Variants in ADGRD2 observed in about 807,000 individuals in gnomAD.
ADGRD2 encodes the protein G protein-coupled receptor PGR24.
ADGRD2 carries 71 observed loss-of-function variants against 44.4 expected under a neutral mutation model. The ratio of observed to expected loss-of-function variants is 1.60; its 90% CI spans 1.32 to 1.95. ADGRD2 has a LOEUF of 1.95. Among genes scored for constraint, ADGRD2 ranks in the 30% most tolerant of loss-of-function variants. ADGRD2 has a pLI of 0.00. For synonymous variants in ADGRD2, 481 were observed against 224.8 expected (o/e 2.14, Z -10.19); for missense variants, 1,039 against 512.4 (o/e 2.03, Z -9.92).
In ADGRD2 at chr9:124,466,431, G is replaced by C; in HGVS notation, c.2026+18G>C. 1 of 668,490 alleles carries C rather than the reference G, an allele frequency of 1.5e-6. No homozygotes were observed. The highest frequency in any genetic ancestry group is 2.8e-6 in the Non-Finnish European group (1 of 354,708). 41.4% of individuals were successfully genotyped at this position (668,490 alleles called of 1,614,324 possible). ...AAGTACAGGTGAGTGCACGGTGGGA[G>C]GGGGGTGTCAGGAGGGGGCTTCTTA... On this transcript the variant is annotated intron_variant, in intron 11 of 21. Coordinates refer to ENST00000334810, the Ensembl canonical transcript of ADGRD2.
At chr9:124,452,637 C>G in exon 2 of ADGRD2, 1 of 718,300 alleles carries the variant, frequency 1.4e-6, no homozygotes, top group Non-Finnish European at 2.6e-6. Flanking sequence ...CACTGCAGCC[C>G]CCTGATGGGG....
chr9:124,454,736 G>A lies in ADGRD2; in HGVS notation c.1109-107G>A, dbSNP rs1394142308. 1.6e-6 allele frequency: 1 copy of A among 615,896 alleles called. No homozygotes were observed. Among genetic ancestry groups the A allele is most frequent in the East Asian group, 2.7e-5 (1 of 36,364 alleles). The allele number at this position is 615,896 out of a possible 1,614,324, so 38.2% of individuals were successfully genotyped here. On this transcript the variant is annotated intron_variant, in intron 5 of 21. Coordinates refer to ENST00000334810, the Ensembl canonical transcript of ADGRD2. The surrounding 1 kb of genome is among the most constrained non-coding windows in gnomAD (Gnocchi z 4.5). The stretch of plus-strand genomic sequence containing the variant: ...CCTGAGAGTTGGCGGCTTGTGACAA[G>A]TTTAATGGGTGCCCACCAAGAAGAC...
rs560392752 is a variant in ADGRD2 at position 124,471,161 on chromosome 9, C to T, written c.2758+547C>T. On this transcript the variant is annotated intron_variant, in intron 17 of 21. Coordinates refer to ENST00000334810, the Ensembl canonical transcript of ADGRD2. ...GGTCCCTCTCGGGGGATTGGCAGGT[C>T]TGTGGGGGGCCAGAACATTAACTGA... Among the ~76,000 whole-genome samples the T allele has an allele frequency of 2.4e-4, 36 of 152,236 alleles. 1 individual carries two copies. The highest frequency in any genetic ancestry group is 7.9e-4 in the African/African-American group (33 of 41,558).
Position 124,458,668 on chromosome 9 carries a change from G to A in ADGRD2, c.1819G>A (p.Val607Ile), listed in dbSNP as rs769071487. ...CATCATCTCCTCTGAAGTGTGGGAC[G>A]TCACTGGAGAGGTCAACGTGGCCAT... Residue 607 changes from valine to isoleucine, a missense_variant, in exon 10 of 22, where the codon GTC (valine) becomes ATC (isoleucine). Transcript: ENST00000334810. The A allele has an allele frequency of 3.9e-5, 28 of 718,620 alleles. 1 individual carries two copies. The highest frequency in any genetic ancestry group is 1.5e-4 in the South Asian group (10 of 67,600). 44.5% of individuals were successfully genotyped at this position (718,620 alleles called of 1,614,324 possible).
intron 10 of ADGRD2, among the ~76,000 whole-genome samples, chr9:124,461,789 C>T (rs1320072637): frequency 6.6e-6 from 1 of 151,690 alleles, no homozygotes; most frequent in Non-Finnish European, 1.5e-5. Context: ...ACTCTGTCAC[C>T]CAGGCTAGAG....
In ADGRD2 at chr9:124,460,460, T is replaced by G. The variant is rs1026475980; in HGVS notation, c.1870+1739T>G. Among the ~76,000 whole-genome samples the G allele has an allele frequency of 2.6e-5, 4 of 151,142 alleles. No homozygotes were observed. In the East Asian group the frequency reaches 7.7e-4, roughly 29 times the overall value. On this transcript the variant is annotated intron_variant, in intron 10 of 21. Coordinates refer to ENST00000334810, the Ensembl canonical transcript of ADGRD2. ...CTTGAACTCCCTACCTCAGGTGATC[T>G]GCCTGCCTCGGCCTCCCAAAGTGCT...
At chr9:124,475,401 G>C in intron 17 of ADGRD2, 45 bp from the exon 21 acceptor site, 2 of 704,164 alleles carry the variant, frequency 2.8e-6, no homozygotes, top group Non-Finnish European at 5.3e-6. Flanking sequence ...GTGGGGGATG[G>C]GGTAGGAGGC....
At chr9:124,460,085 G>GACAC (rs3983851) in intron 10 of ADGRD2, among the ~76,000 whole-genome samples, 10 of 150,128 alleles carry the variant, frequency 6.7e-5, no homozygotes, top group East Asian at 3.9e-4. Context: ...AGTAATCTTG[G>GACAC]ACACACACAC....
rs529744792 is a variant in ADGRD2, at chr9:124,469,841, G to C, written c.2637+294G>C. On this transcript the variant is annotated intron_variant, in intron 16 of 21. Transcript: ENST00000334810. ...CTGGCCACTGTTCAAGGAGTGCACT[G>C]TCTGCGGCAGGTACTGATAGCCTGC... Among the ~76,000 whole-genome samples, 6 of 152,358 alleles carry C rather than the reference G, an allele frequency of 3.9e-5. No homozygotes were observed. The East Asian group carries it at 7.7e-4, about 20-fold the overall frequency.
rs574341413 is a variant in ADGRD2 at position 124,465,027 on chromosome 9, G to A, written c.1871-1231G>A. Among the ~76,000 whole-genome samples the A allele has an allele frequency of 4.6e-5, 7 of 152,302 alleles. No homozygotes were observed. The South Asian group carries it at 1.2e-3, about 27-fold the overall frequency. On this transcript the variant is annotated intron_variant, in intron 10 of 21. Coordinates refer to ENST00000334810, the Ensembl canonical transcript of ADGRD2. ...GCTTAACTGCTCCCCGGTGATGGCT[G>A]CTTAGCTTGTTCCCAGTTTTTCCAC...
chr9:124,462,898 TCTTCCTTC>T (rs145399583), intron 10 of ADGRD2, among the ~76,000 whole-genome samples: 1 of 148,908 alleles, frequency 6.7e-6, no homozygotes, highest in Non-Finnish European at 1.5e-5. Context: ...TTCCTTCCTT[TCTTCCTTC>T]CTTCCTTCCT....
chr9:124,453,181 T>C, exon 3 of ADGRD2: 2 of 689,908 alleles, frequency 2.9e-6, no homozygotes, highest in Non-Finnish European at 5.3e-6. Context: ...CGCAGCGCTC[T>C]TCTCCGTTGC....
At chr9:124,463,090 G>A (rs1420041668) in intron 10 of ADGRD2, among the ~76,000 whole-genome samples, 2 of 152,254 alleles carry the variant, frequency 1.3e-5, no homozygotes, top group East Asian at 3.9e-4. Context: ...TGTCTTAGAA[G>A]GAAGGCATCC....
intron 10 of ADGRD2, among the ~76,000 whole-genome samples, chr9:124,462,304 A>G (rs1264437250): frequency 1.3e-5 from 2 of 151,998 alleles, no homozygotes; most frequent in Non-Finnish European, 2.9e-5. Flanking sequence ...CCTGGACTCA[A>G]GCAATCCACC....
upstream of ADGRD2, chr9:124,451,151 C>T (rs1220632307): frequency 2.1e-6 from 1 of 472,306 alleles, no homozygotes; most frequent in Non-Finnish European, 4.4e-6. Flanking sequence ...GAAATGGACG[C>T]ACCTTGGGGA....
chr9:124,460,562 G>C (rs765422597), intron 10 of ADGRD2, among the ~76,000 whole-genome samples: 24 of 150,738 alleles, frequency 1.6e-4, no homozygotes, highest in Middle Eastern at 3.4e-3. Flanking sequence ...GAATCATCTA[G>C]TATGTGTTGA....
chr9:124,467,789 C>G (rs1209052481), exon 12 of ADGRD2: 2 of 718,542 alleles, frequency 2.8e-6, no homozygotes, highest in Non-Finnish European at 5.2e-6. Flanking sequence ...CCTTCTGCGC[C>G]CTCACCACCA....
chr9:124,472,338 T>G (rs183683843), intron 17 of ADGRD2, among the ~76,000 whole-genome samples: 33 of 152,126 alleles, frequency 2.2e-4, no homozygotes, highest in Non-Finnish European at 4.4e-5. Flanking sequence ...CCTCTGGCCA[T>G]GGATGTTTTT....
At chr9:124,473,652 C>G in intron 17 of ADGRD2, among the ~76,000 whole-genome samples, 1 of 152,236 alleles carries the variant, frequency 6.6e-6, no homozygotes, top group East Asian at 1.9e-4. Context: ...CCAAAGAATT[C>G]TGTGACATTC....
Sources: allele counts gnomAD v4.1 joint callset (sites outside exome capture counted in the v4.1 genomes callset), GRCh38; gene constraint gnomAD v4.1.1; non-coding constraint Gnocchi (gnomAD v3.1); transcripts MANE v1.5; gene names NCBI Gene and HGNC (gene_info 2026-07-23, HGNC 2026-07-21).